Variants in SLC25A13 observed in about 807,000 individuals in gnomAD.
SLC25A13 encodes solute carrier family 25 member 13, also known as electrogenic aspartate/glutamate antiporter SLC25A13, mitochondrial.
In SLC25A13, 70 loss-of-function variants were observed where a neutral mutation model predicts 85.5. The observed-to-expected ratio is 0.82, with a 90% CI of 0.68 to 1.00. The LOEUF (loss-of-function observed/expected upper bound fraction) is 1.00, where lower values mean the gene tolerates loss of function less well. SLC25A13 is among the 50% of genes least tolerant of loss of function. The pLI, the probability that SLC25A13 is intolerant of heterozygous loss-of-function variation, is 0.00. For missense variants in SLC25A13, 765 were observed against 819.8 expected, an observed-to-expected ratio of 0.93 and a Z score of 0.82; for synonymous variants, 259 against 288.7, an observed-to-expected ratio of 0.90 and a Z score of 1.04.
intron 4 of SLC25A13, among the ~76,000 whole-genome samples, chr7:96,223,545 T>C (rs1240474672): frequency 1.3e-5 from 2 of 152,142 alleles, no homozygotes; most frequent in African/African-American, 4.8e-5. Context: ...CCTAGTACTT[T>C]GGGAGGCCGA....
intron 1 of SLC25A13, among the ~76,000 whole-genome samples, chr7:96,297,591 C>T (rs1177788545): frequency 1.3e-5 from 2 of 152,110 alleles, no homozygotes; most frequent in African/African-American, 4.8e-5. Flanking sequence ...GCCTCAGCCT[C>T]CCAAAGTGCT....
At chr7:96,126,514 A>G (rs1791732189) in intron 15 of SLC25A13, among the ~76,000 whole-genome samples, 1 of 152,204 alleles carries the variant, frequency 6.6e-6, no homozygotes. Context: ...AAGCCTGGCA[A>G]TCCTGAAGAA....
intron 4 of SLC25A13, among the ~76,000 whole-genome samples, chr7:96,214,630 G>A (rs1275722493): frequency 6.6e-6 from 1 of 152,110 alleles, no homozygotes; most frequent in Non-Finnish European, 1.5e-5. Flanking sequence ...AGGAGGCTGA[G>A]GCAGGAGAAT....
chr7:96,266,570 C>T (rs1195685267), intron 3 of SLC25A13, among the ~76,000 whole-genome samples: 1 of 152,130 alleles, frequency 6.6e-6, no homozygotes, highest in Non-Finnish European at 1.5e-5. Flanking sequence ...GAAGCAAAAT[C>T]AGCACCCAAT....
chr7:96,193,067 C>T lies in SLC25A13; in HGVS notation c.585G>A (p.Leu195=). 1 of 1,614,016 alleles carries T rather than the reference C, an allele frequency of 6.2e-7. No homozygotes were observed. The highest frequency in any genetic ancestry group is 8.5e-7 in the Non-Finnish European group (1 of 1,180,014). The change falls in exon 6 of 18, where the codon TTG becomes TTA. Residue 195 remains leucine, a synonymous_variant. Transcript: ENST00000265631. The part of the protein sequence containing the change: ...DIMVTIRPHV[L]TPFVEECLVA... ...CTAGACATTCTTCTACAAAAGGAGTCAAGACATGGGGGCGGATGGTGACCA... is the reference window on the plus strand; with the variant it reads ...CTAGACATTCTTCTACAAAAGGAGTTAAGACATGGGGGCGGATGGTGACCA...
chr7:96,248,672 T>C (rs1465502257), intron 3 of SLC25A13, among the ~76,000 whole-genome samples: 1 of 152,160 alleles, frequency 6.6e-6, no homozygotes, highest in Non-Finnish European at 1.5e-5. Context: ...GGCTGGGAAG[T>C]AGTTAGCAGG....
chr7:96,303,186 C>T (rs1799615853), intron 1 of SLC25A13, among the ~76,000 whole-genome samples: 1 of 152,150 alleles, frequency 6.6e-6, no homozygotes, highest in Non-Finnish European at 1.5e-5. Context: ...ACAGCCCTTC[C>T]TCAGCAATAC....
intron 13 of SLC25A13, among the ~76,000 whole-genome samples, chr7:96,148,992 T>C (rs947944605): frequency 1.3e-5 from 2 of 152,224 alleles, no homozygotes; most frequent in South Asian, 4.1e-4. Context: ...TTTTCCTCCA[T>C]AGATGCATGT....
chr7:96,144,601 T>C (rs1190447413), intron 14 of SLC25A13, among the ~76,000 whole-genome samples: 1 of 152,144 alleles, frequency 6.6e-6, no homozygotes, highest in Non-Finnish European at 1.5e-5. Flanking sequence ...TCCTGCTCAT[T>C]TCAGGAAAGC....
intron 11 of SLC25A13, among the ~76,000 whole-genome samples, chr7:96,182,856 A>C (rs1794472508): frequency 6.6e-6 from 1 of 152,212 alleles, no homozygotes; most frequent in Non-Finnish European, 1.5e-5. Flanking sequence ...AATACCAAGA[A>C]AAGCCCAAAA....
chr7:96,183,031 G>C lies in SLC25A13; in HGVS notation c.1177+1246C>G, dbSNP rs565455920. Among the ~76,000 whole-genome samples the C allele has an allele frequency of 2.8e-4, 42 of 152,272 alleles. 1 individual carries two copies. Among genetic ancestry groups the C allele is most frequent in the Non-Finnish European group, 4.7e-4 (32 of 68,032 alleles). ...GTACTACTTGGAAGCCATTTCATTT[G>C]CAAAGTTGTTGCCATCAGGGAAGAA... On this transcript the variant is annotated intron_variant, in intron 11 of 17. Transcript: ENST00000265631.
At chr7:96,168,128 A>AAAAAAAAC (rs1793844801) in intron 13 of SLC25A13, among the ~76,000 whole-genome samples, 2 of 145,802 alleles carry the variant, frequency 1.4e-5, no homozygotes, top group African/African-American at 2.6e-5. Context: ...AAAAAAAAAA[A>AAAAAAAAC]AGCACGTGTG....
At chr7:96,125,835 C>G (rs1359366874) in intron 15 of SLC25A13, among the ~76,000 whole-genome samples, 1 of 142,678 alleles carries the variant, frequency 7.0e-6, no homozygotes, top group Non-Finnish European at 1.5e-5. Context: ...TCAGAACTAA[C>G]GCTTGATATT....
rs952817057 is a variant in SLC25A13 at position 96,242,516 on chromosome 7, C to T, written c.213-7599G>A. On this transcript the variant is annotated intron_variant, in intron 3 of 17. Transcript: ENST00000265631. ...CCTAAAAGACTGTTTCTGGCCATGA[C>T]GGGAAGTGGGGGTTGGACATGTCTC... 5.3e-5 allele frequency among the ~76,000 whole-genome samples: 8 copies of T among 152,118 alleles called. No homozygotes were observed. The South Asian group carries it at 6.2e-4, about 12-fold the overall frequency.
chr7:96,203,317 T>C (rs1246762697), intron 5 of SLC25A13, among the ~76,000 whole-genome samples: 1 of 152,154 alleles, frequency 6.6e-6, no homozygotes, highest in Non-Finnish European at 1.5e-5. Context: ...AATTTGAGTC[T>C]TGGGAGGGGA....
chr7:96,134,485 A>G (rs1186989312), intron 14 of SLC25A13, among the ~76,000 whole-genome samples: 2 of 152,126 alleles, frequency 1.3e-5, no homozygotes, highest in Non-Finnish European at 2.9e-5. Context: ...GTCTTATGCT[A>G]TGTGGCTTCA....
chr7:96,313,360 C>T (rs191929057), intron 1 of SLC25A13, among the ~76,000 whole-genome samples: 1 of 152,180 alleles, frequency 6.6e-6, no homozygotes, highest in Non-Finnish European at 1.5e-5. Context: ...AGGAAACCAA[C>T]CTAGGTGCCC....
chr7:96,223,268 C>T (rs1015637052), intron 4 of SLC25A13, among the ~76,000 whole-genome samples: 3 of 152,208 alleles, frequency 2.0e-5, no homozygotes, highest in African/African-American at 4.8e-5. Flanking sequence ...AATTGGGTTA[C>T]ATTCAGGTAT....
chr7:96,289,817 C>G (rs552491280), intron 2 of SLC25A13, among the ~76,000 whole-genome samples: 43 of 152,164 alleles, frequency 2.8e-4, no homozygotes, highest in Non-Finnish European at 5.0e-4. Context: ...GAGAATGAAA[C>G]CAAGTTGGAA....
Sources: gnomAD v4.1 joint callset for allele counts (sites outside exome capture counted in the v4.1 genomes callset) on GRCh38, gnomAD v4.1.1 for gene constraint, MANE v1.5 for transcripts, NCBI Gene and HGNC (gene_info 2026-07-23, HGNC 2026-07-21) for gene names.